Variants in CALN1 observed in about 807,000 individuals in gnomAD.
The protein encoded by CALN1 is calcium-binding protein 8.
Under a neutral mutation model 30.6 loss-of-function variants are expected in CALN1, and 17 were observed. The ratio of observed to expected loss-of-function variants is 0.56; its 90% CI spans 0.38 to 0.83. The LOEUF (loss-of-function observed/expected upper bound fraction) is 0.83, where lower values mean the gene tolerates loss of function less well. Ranked by LOEUF, CALN1 falls within the 40% of genes least tolerant of loss-of-function variation. CALN1 has a pLI of 0.00. For missense variants in CALN1, 291 were observed against 354.9 expected, an observed-to-expected ratio of 0.82 and a Z score of 1.45; for synonymous variants, 156 against 131.4, an observed-to-expected ratio of 1.19 and a Z score of -1.28.
At chr7:72,162,439 A>G (rs1002145240) in intron 3 of CALN1, among the ~76,000 whole-genome samples, 1 of 152,144 alleles carries the variant, frequency 6.6e-6, no homozygotes, top group African/African-American at 2.4e-5. Context: ...TTAAAAAACA[A>G]AGAGGATATA....
intron 2 of CALN1, among the ~76,000 whole-genome samples, chr7:72,397,574 G>C (rs771152885): frequency 3.9e-5 from 6 of 152,140 alleles, no homozygotes; most frequent in Admixed American, 1.3e-4. Flanking sequence ...GGAAGAGGGA[G>C]TCAGGAAATG....
chr7:72,093,628 T>C (rs1316188465), intron 4 of CALN1, among the ~76,000 whole-genome samples: 3 of 152,224 alleles, frequency 2.0e-5, no homozygotes, highest in Non-Finnish European at 2.9e-5. Context: ...GTAACGATGA[T>C]GACTACCAGG....
At chr7:72,302,570 C>G (rs1054961445) in intron 2 of CALN1, among the ~76,000 whole-genome samples, 1 of 151,974 alleles carries the variant, frequency 6.6e-6, no homozygotes, top group Non-Finnish European at 1.5e-5. Context: ...TCCAGATTAG[C>G]CAGCATACCA....
At chr7:72,235,924 C>G (rs1028870178) in intron 3 of CALN1, among the ~76,000 whole-genome samples, 5 of 151,912 alleles carry the variant, frequency 3.3e-5, no homozygotes, top group African/African-American at 9.7e-5. Flanking sequence ...TGACCAAGAA[C>G]CAGCCCTGGG....
chr7:72,300,916 C>A (rs1164981117), intron 2 of CALN1, among the ~76,000 whole-genome samples: 1 of 152,016 alleles, frequency 6.6e-6, no homozygotes, highest in African/African-American at 2.4e-5. Flanking sequence ...TCGTTTGAAC[C>A]CCCGAGGTTG....
chr7:71,802,154 C>G (rs1269231178), intron 6 of CALN1, among the ~76,000 whole-genome samples: 1 of 152,182 alleles, frequency 6.6e-6, no homozygotes, highest in African/African-American at 2.4e-5. Context: ...CAAGCACCAT[C>G]AACCTTAATA....
At chr7:72,141,483 G>C (rs971091120) in intron 3 of CALN1, among the ~76,000 whole-genome samples, 3 of 151,922 alleles carry the variant, frequency 2.0e-5, no homozygotes, top group African/African-American at 7.3e-5. Context: ...TGAGACCACC[G>C]ACCCTTCGGC....
chr7:72,352,027 C>G (rs537246665), intron 2 of CALN1, among the ~76,000 whole-genome samples: 1 of 152,230 alleles, frequency 6.6e-6, no homozygotes, highest in East Asian at 1.9e-4. Flanking sequence ...GCCTGTAATC[C>G]CAGCACTTTG....
At chr7:72,154,689 A>T (rs1038430523) in intron 3 of CALN1, among the ~76,000 whole-genome samples, 5 of 152,116 alleles carry the variant, frequency 3.3e-5, no homozygotes, top group Non-Finnish European at 7.4e-5. Flanking sequence ...TAAGGAGGTT[A>T]TGGGGTTAAC....
intron 2 of CALN1, 49 bp from the exon 3 acceptor site, chr7:72,278,859 T>C: frequency 6.3e-7 from 1 of 1,578,974 alleles, no homozygotes; most frequent in Non-Finnish European, 8.7e-7. Context: ...TCATCATTCA[T>C]TCTTCCTTTC....
At chr7:72,206,932 A>G (rs1325901465) in intron 3 of CALN1, among the ~76,000 whole-genome samples, 1 of 152,198 alleles carries the variant, frequency 6.6e-6, no homozygotes, top group Non-Finnish European at 1.5e-5. Flanking sequence ...GTATTTTTAT[A>G]AGAACCAAAG....
chr7:71,922,994 C>G (rs576400611), intron 5 of CALN1, among the ~76,000 whole-genome samples: 1 of 147,230 alleles, frequency 6.8e-6, no homozygotes, highest in South Asian at 2.1e-4. Flanking sequence ...ATGTATCTAT[C>G]TAACTACACT....
intron 5 of CALN1, among the ~76,000 whole-genome samples, chr7:71,873,546 T>C (rs941738734): frequency 2.0e-5 from 3 of 152,230 alleles, no homozygotes; most frequent in South Asian, 4.1e-4. Flanking sequence ...CTCAAAAGCG[T>C]AGTGCATAAA....
At chr7:72,088,701 G>GAAAAAAAA (rs71069024) in intron 4 of CALN1, among the ~76,000 whole-genome samples, 2 of 72,444 alleles carry the variant, frequency 2.8e-5, no homozygotes, top group Non-Finnish European at 3.1e-5. Flanking sequence ...TCCATCTCAA[G>GAAAAAAAA]AAAAAAAAAA....
chr7:72,035,219 C>A (rs796293367), intron 4 of CALN1, among the ~76,000 whole-genome samples: 18 of 152,258 alleles, frequency 1.2e-4, no homozygotes, highest in African/African-American at 4.3e-4. Flanking sequence ...CATCCATCCT[C>A]TGAATTCTTT....
At chr7:72,422,906 A>G (rs376760991) in intron 1 of CALN1, among the ~76,000 whole-genome samples, 1 of 152,180 alleles carries the variant, frequency 6.6e-6, no homozygotes, top group East Asian at 1.9e-4. Context: ...AGGCAGGCAG[A>G]TCACTTGAGG....
chr7:72,300,674 T>C (rs1799194994), intron 2 of CALN1, among the ~76,000 whole-genome samples: 1 of 152,208 alleles, frequency 6.6e-6, no homozygotes, highest in Non-Finnish European at 1.5e-5. Flanking sequence ...GATGTATGTA[T>C]TTAAGTATAA....
intron 3 of CALN1, among the ~76,000 whole-genome samples, chr7:72,185,629 C>T (rs1403889373): frequency 6.6e-6 from 1 of 152,150 alleles, no homozygotes; most frequent in African/African-American, 2.4e-5. Context: ...TGTCCCCACC[C>T]AAATCTCATC....
At chr7:72,128,378 C>A (rs1584999993) in intron 3 of CALN1, among the ~76,000 whole-genome samples, 1 of 151,908 alleles carries the variant, frequency 6.6e-6, no homozygotes, top group Non-Finnish European at 1.5e-5. Context: ...TAAGTAGATA[C>A]CTGGAAAAAA....
Sources: gnomAD v4.1 joint callset for allele counts (sites outside exome capture counted in the v4.1 genomes callset) on GRCh38, gnomAD v4.1.1 for gene constraint, MANE v1.5 for transcripts, NCBI Gene and HGNC (gene_info 2026-07-23, HGNC 2026-07-21) for gene names.